Variants in EXOC1 observed in about 807,000 individuals in gnomAD.
EXOC1 encodes the protein exocyst complex component 1.
EXOC1 carries 67 observed loss-of-function variants against 107.7 expected under a neutral mutation model. The ratio of observed to expected loss-of-function variants is 0.62; its 90% CI spans 0.51 to 0.76. EXOC1 has a LOEUF of 0.76. Ranked by LOEUF, EXOC1 falls within the 30% of genes least tolerant of loss-of-function variation. The pLI is 0.00. For synonymous variants in EXOC1, 348 were observed against 353.5 expected, an observed-to-expected ratio of 0.98 and a Z score of 0.17; for missense variants, 833 against 1,055.7, an observed-to-expected ratio of 0.79 and a Z score of 2.92.
intron 15 of EXOC1, among the ~76,000 whole-genome samples, chr4:55,894,832 T>C (rs962328032): frequency 6.6e-6 from 1 of 151,844 alleles, no homozygotes; most frequent in Admixed American, 6.6e-5. Flanking sequence ...ATGTTGGTCA[T>C]GCTGGTCTCA....
rs956999660 is a variant in EXOC1, at chr4:55,877,568, A to G, written c.1075-349A>G. On this transcript the variant is annotated intron_variant, in intron 8 of 18. Transcript: ENST00000381295. The stretch of plus-strand genomic sequence containing the variant: ...ATTTGTGTTTCTTAATTCAAGCTAT[A>G]TCAAGAAGGTCATTTGCTTGGTAAA... 36 of 985,422 alleles carry G rather than the reference A, an allele frequency of 3.7e-5. No individual in the cohort carries two copies. The African/African-American group carries it at 6.1e-4, about 17-fold the overall frequency. The allele number at this position is 985,422 out of a possible 1,614,324, so 61.0% of individuals were successfully genotyped here. A position where few individuals can be genotyped will look rare whatever the true frequency, so the allele number is the denominator to read the frequency against.
Position 55,899,672 on chromosome 4 carries a change from G to T in EXOC1, c.2138-13G>T, listed in dbSNP as rs1459590202. On this transcript the variant is annotated splice_polypyrimidine_tract_variant and intron_variant, in intron 16 of 18. Coordinates refer to ENST00000381295, the MANE Select transcript of EXOC1 (RefSeq NM_001024924.2). ...TCAGAGATGTTATTTTATTTTTTCT[G>T]TTTTGGTTTTAGTGGAGAAAGTAGC... 1.3e-6 allele frequency: 2 copies of T among 1,599,572 alleles called. No individual in the cohort carries two copies. Among genetic ancestry groups the T allele is most frequent in the Middle Eastern group, 1.7e-4 (1 of 5,902 alleles).
Position 55,899,849 on chromosome 4 carries a change from A to G in EXOC1, c.2302A>G (p.Ile768Val). The G allele has an allele frequency of 6.2e-7, 1 of 1,611,886 alleles. No homozygotes were observed. Among genetic ancestry groups the G allele is most frequent in the Non-Finnish European group, 8.5e-7 (1 of 1,179,318 alleles). ...KYTDHLQSYV[I>V]YSLGQPLEKL... is the part of the protein sequence containing the mutation. ...CACAGATCACCTTCAGTCTTATGTC[A>G]TTTACTCTTTAGGACAACCTCTTGA... Residue 768 changes from isoleucine (I) to valine (V), a missense_variant, in exon 17 of 19, where the codon ATT (isoleucine) becomes GTT (valine). Ile to Val is a conservative substitution (Grantham distance 29). Transcript: ENST00000381295.
At chr4:55,882,898 T>A (rs1217642152) in intron 9 of EXOC1, 2 of 152,148 alleles carry the variant, frequency 1.3e-5, no homozygotes, top group African/African-American at 4.8e-5. Flanking sequence ...TTAAATTTTA[T>A]TTTCTGGTTT....
chr4:55,878,169 C>T, intron 9 of EXOC1, 103 bp downstream of exon 9: 1 of 1,288,336 alleles, frequency 7.8e-7, no homozygotes, highest in Non-Finnish European at 1.1e-6. Context: ...GTAGTACATT[C>T]TTAGCAAAGC....
chr4:55,892,620 G>A lies in EXOC1; in HGVS notation c.1648-15G>A. The A allele has an allele frequency of 6.2e-7, 1 of 1,613,518 alleles. No homozygotes were observed. Among genetic ancestry groups the A allele is most frequent in the Non-Finnish European group, 8.5e-7 (1 of 1,179,500 alleles). On this transcript the variant is annotated splice_polypyrimidine_tract_variant and intron_variant, in intron 13 of 18. Coordinates refer to ENST00000381295, the MANE Select transcript of EXOC1 (RefSeq NM_001024924.2). Reference sequence around the variant, plus strand: ...TGGTCTTTTATTATGTAAAGTGCCTGAATAATTTTTGCAGGCTGAAGCAGA... The same window carrying A: ...TGGTCTTTTATTATGTAAAGTGCCTAAATAATTTTTGCAGGCTGAAGCAGA...
intron 4 of EXOC1, chr4:55,866,736 C>G (rs1441500937): frequency 5.8e-6 from 2 of 342,266 alleles, no homozygotes; most frequent in African/African-American, 4.5e-5. Context: ...GTTGATTTGG[C>G]TGTCTTTTGA....
chr4:55,881,518 G>A (rs1560347080), intron 9 of EXOC1, among the ~76,000 whole-genome samples: 1 of 152,062 alleles, frequency 6.6e-6, no homozygotes, highest in Non-Finnish European at 1.5e-5. Context: ...TGCCCAAGGT[G>A]GTCCGAGCAC....
Position 55,904,405 on chromosome 4 carries a change from A to C in EXOC1, c.2595A>C (p.Ile865=). Reference sequence around the variant, plus strand: ...AGTATAAGCACTTTGAAGGTTTGATAGCTCGCTGTTATCCTGGATCTGGTG... The same window carrying C: ...AGTATAAGCACTTTGAAGGTTTGATCGCTCGCTGTTATCCTGGATCTGGTG... ...IRQYKHFEGL[I]ARCYPGSGVT... is the part of the protein sequence containing the mutation. Residue 865 remains isoleucine, a synonymous_variant, in exon 19 of 19, where the codon ATA becomes ATC. Transcript: ENST00000381295. 1 of 1,612,700 alleles carries C rather than the reference A, an allele frequency of 6.2e-7. No individual in the cohort carries two copies. Among genetic ancestry groups the C allele is most frequent in the Non-Finnish European group, 8.5e-7 (1 of 1,179,668 alleles).
chr4:55,879,369 A>G (rs1232798519), intron 9 of EXOC1, among the ~76,000 whole-genome samples: 2 of 152,346 alleles, frequency 1.3e-5, no homozygotes, highest in Admixed American at 1.3e-4. Flanking sequence ...AGAGCTTTCC[A>G]GGCACAGTGC....
At chr4:55,901,549 C>T (rs948088566) in intron 17 of EXOC1, among the ~76,000 whole-genome samples, 4 of 151,896 alleles carry the variant, frequency 2.6e-5, no homozygotes, top group Admixed American at 6.6e-5. Flanking sequence ...AAAAATCTTA[C>T]TAAAATCAAT....
At chr4:55,897,805 AG>A (rs1371305242) in intron 16 of EXOC1, among the ~76,000 whole-genome samples, 6 of 152,170 alleles carry the variant, frequency 3.9e-5, no homozygotes, top group African/African-American at 7.2e-5. Flanking sequence ...TAATAGAGAC[AG>A]GGTTTCACCA....
At chr4:55,878,774 A>G (rs1723122947) in intron 9 of EXOC1, among the ~76,000 whole-genome samples, 1 of 152,180 alleles carries the variant, frequency 6.6e-6, no homozygotes, top group South Asian at 2.1e-4. Context: ...CTTGTCCTAG[A>G]ACAATGAGGT....
intron 18 of EXOC1, among the ~76,000 whole-genome samples, chr4:55,903,573 A>G (rs1470510435): frequency 6.6e-6 from 1 of 152,194 alleles, no homozygotes; most frequent in East Asian, 1.9e-4. Flanking sequence ...ACAAGAAAAA[A>G]TCTTGGAAGA....
chr4:55,900,005 G>C, intron 17 of EXOC1, 121 bp downstream of exon 17: 1 of 725,626 alleles, frequency 1.4e-6, no homozygotes, highest in South Asian at 2.4e-5. Flanking sequence ...AGGGGACTCA[G>C]TTATTGAAGC....
intron 3 of EXOC1, among the ~76,000 whole-genome samples, chr4:55,863,377 C>T (rs1721657662): frequency 6.6e-6 from 1 of 152,134 alleles, no homozygotes; most frequent in Non-Finnish European, 1.5e-5. Context: ...AGGGCTCATG[C>T]CTGTAATTCC....
intron 3 of EXOC1, among the ~76,000 whole-genome samples, chr4:55,863,404 G>A (rs780645498): frequency 1.7e-4 from 26 of 152,116 alleles, no homozygotes; most frequent in Non-Finnish European, 3.1e-4. Flanking sequence ...TTGGGAGGCC[G>A]AAGCAGGAGG....
At position 55,871,157 on chromosome 4, in the gene EXOC1, T is replaced by C; in HGVS notation, c.888T>C (p.Ala296=). ...HIKALQEGDL[A]SSRGIEACTN... is the part of the protein sequence containing the mutation. ...AGGCCCTTCAGGAAGGAGATCTTGC[T>C]TCTTCCAGAGGCATTGAGGCCTGCA... The change falls in exon 7 of 19, where the codon GCT becomes GCC. Residue 296 remains alanine (A), a synonymous_variant. Transcript: ENST00000381295. 1 of 1,613,948 alleles carries C rather than the reference T, an allele frequency of 6.2e-7. No individual in the cohort carries two copies.
intron 4 of EXOC1, among the ~76,000 whole-genome samples, chr4:55,867,739 T>C (rs1489830339): frequency 2.6e-5 from 4 of 152,180 alleles, no homozygotes; most frequent in African/African-American, 9.6e-5. Flanking sequence ...AGAAATGTTA[T>C]CAATGCATGT....
Sources: allele counts gnomAD v4.1 joint callset (sites outside exome capture counted in the v4.1 genomes callset), GRCh38; gene constraint gnomAD v4.1.1; transcripts MANE v1.5; gene names NCBI Gene and HGNC (gene_info 2026-07-23, HGNC 2026-07-21).